The following SORCS1 variants were observed in gnomAD, a reference collection of about 807,000 sequenced individuals.
The protein encoded by SORCS1 is VPS10 domain-containing receptor SorCS1.
Under a neutral mutation model 146.1 loss-of-function variants are expected in SORCS1, and 60 were observed. That is an observed-to-expected ratio of 0.41 (90% CI 0.33 to 0.51). The LOEUF is 0.51. Among genes scored for constraint, SORCS1 ranks in the 20% least tolerant of loss-of-function variants. SORCS1 has a pLI of 0.21. For synonymous variants in SORCS1, 637 were observed against 584.0 expected (o/e 1.09, Z -1.31); for missense variants, 1,352 against 1,487.6 (o/e 0.91, Z 1.50).
intron 19 of SORCS1, among the ~76,000 whole-genome samples, chr10:106,624,424 G>A (rs901367139): frequency 4.4e-5 from 6 of 135,658 alleles, no homozygotes; most frequent in Admixed American, 2.4e-4. Flanking sequence ...GCAGTGGCAC[G>A]ATCTTGGCTT....
chr10:107,017,864 C>T (rs144359827), intron 1 of SORCS1, among the ~76,000 whole-genome samples: 2 of 151,984 alleles, frequency 1.3e-5, no homozygotes, highest in African/African-American at 4.8e-5. Flanking sequence ...TGGTGTTTCA[C>T]CATGTTAGTC....
At chr10:106,818,986 A>C (rs1295886538) in intron 3 of SORCS1, among the ~76,000 whole-genome samples, 3 of 152,236 alleles carry the variant, frequency 2.0e-5, no homozygotes, top group Non-Finnish European at 4.4e-5. Context: ...AATCATTAAG[A>C]GTAAGAACAA....
intron 3 of SORCS1, among the ~76,000 whole-genome samples, chr10:106,786,893 T>G (rs186073467): frequency 6.6e-6 from 1 of 152,292 alleles, no homozygotes; most frequent in Admixed American, 6.5e-5. Context: ...CCTTAAACTT[T>G]TGAAGGCTGA....
intron 2 of SORCS1, among the ~76,000 whole-genome samples, chr10:106,877,408 C>T (rs1053012967): frequency 6.7e-6 from 1 of 150,090 alleles, no homozygotes; most frequent in East Asian, 1.9e-4. Context: ...CATAGAAAGA[C>T]CCTGTTTCTA....
intron 2 of SORCS1, among the ~76,000 whole-genome samples, chr10:106,930,030 A>G (rs1953319049): frequency 6.6e-6 from 1 of 152,210 alleles, no homozygotes; most frequent in African/African-American, 2.4e-5. Flanking sequence ...GTGGATCACA[A>G]GGTCAGGAGA....
intron 1 of SORCS1, among the ~76,000 whole-genome samples, chr10:107,021,142 CTG>C (rs1007976218): frequency 2.6e-5 from 4 of 152,080 alleles, no homozygotes; most frequent in African/African-American, 9.7e-5. Context: ...TAAATGCAAA[CTG>C]TGTGTGTGTC....
intron 19 of SORCS1, among the ~76,000 whole-genome samples, chr10:106,628,244 A>C (rs1848224338): frequency 1.3e-5 from 2 of 152,180 alleles, no homozygotes; most frequent in Admixed American, 6.5e-5. Flanking sequence ...GTCATCCCCT[A>C]ATAGTCTTGC....
At chr10:107,134,435 G>A (rs1345419098) in intron 1 of SORCS1, among the ~76,000 whole-genome samples, 1 of 152,080 alleles carries the variant, frequency 6.6e-6, no homozygotes, top group African/African-American at 2.4e-5. Flanking sequence ...TCAGGAGATC[G>A]AGACCATCCT....
At chr10:107,111,258 A>G (rs767019957) in intron 1 of SORCS1, among the ~76,000 whole-genome samples, 28 of 152,220 alleles carry the variant, frequency 1.8e-4, no homozygotes, top group Admixed American at 6.5e-5. Flanking sequence ...CTTAAAAAAG[A>G]ATAAAAAATA....
intron 2 of SORCS1, among the ~76,000 whole-genome samples, chr10:106,896,974 TCCACCTCCCGGGTTCACG>T (rs1485559009): frequency 2.9e-5 from 4 of 137,618 alleles, no homozygotes; most frequent in African/African-American, 1.1e-4. Context: ...CACTGCAAGC[TCCACCTCCCGGGTTCACG>T]CCATTCTCCT....
chr10:106,791,192 C>T (rs895063152), intron 3 of SORCS1, among the ~76,000 whole-genome samples: 2 of 152,092 alleles, frequency 1.3e-5, no homozygotes, highest in Admixed American at 6.5e-5. Context: ...AGCCGCACTT[C>T]GAAGATTTTC....
At chr10:107,178,319 T>A in the SORCS1 span, among the ~76,000 whole-genome samples, 2 of 152,080 alleles carry the variant, frequency 1.3e-5, no homozygotes, top group African/African-American at 4.8e-5. Context: ...CTGATAACTA[T>A]AATTCTACTC....
chr10:106,962,156 T>C (rs1955255704), intron 1 of SORCS1, among the ~76,000 whole-genome samples: 1 of 151,760 alleles, frequency 6.6e-6, no homozygotes, highest in South Asian at 2.1e-4. Flanking sequence ...TCCCAGCAAT[T>C]TGGGAGGCCG....
intron 2 of SORCS1, among the ~76,000 whole-genome samples, chr10:106,891,636 A>C (rs1442198117): frequency 6.6e-6 from 1 of 151,892 alleles, no homozygotes; most frequent in Admixed American, 6.6e-5. Context: ...AGTCACTGAG[A>C]TTACAGGCAT....
chr10:106,767,896 A>G (rs971417305), intron 4 of SORCS1, among the ~76,000 whole-genome samples: 1 of 152,230 alleles, frequency 6.6e-6, no homozygotes, highest in Non-Finnish European at 1.5e-5. Flanking sequence ...CAAAACTATT[A>G]AATAGCACAA....
At chr10:106,718,555 C>T (rs1056344058) in intron 6 of SORCS1, among the ~76,000 whole-genome samples, 1 of 152,228 alleles carries the variant, frequency 6.6e-6, no homozygotes, top group African/African-American at 2.4e-5. Context: ...AATGCAGACC[C>T]AAAGAGTGAG....
At chr10:107,096,026 C>G (rs1008567384) in intron 1 of SORCS1, among the ~76,000 whole-genome samples, 2 of 152,112 alleles carry the variant, frequency 1.3e-5, no homozygotes, top group African/African-American at 4.8e-5. Context: ...ATGAAACCCT[C>G]ACTGTTTATT....
At chr10:107,113,048 A>G (rs1965796241) in intron 1 of SORCS1, among the ~76,000 whole-genome samples, 1 of 152,130 alleles carries the variant, frequency 6.6e-6, no homozygotes, top group Admixed American at 6.5e-5. Flanking sequence ...AACAGCAACA[A>G]CTACACGTTC....
chr10:107,169,828 G>A, the SORCS1 span, among the ~76,000 whole-genome samples: 1 of 151,976 alleles, frequency 6.6e-6, no homozygotes, highest in Non-Finnish European at 1.5e-5. Context: ...TTCCCAATTT[G>A]TATATTCATG....
Sources: allele counts gnomAD v4.1 joint callset (sites outside exome capture counted in the v4.1 genomes callset), GRCh38; gene constraint gnomAD v4.1.1; transcripts MANE v1.5; gene names NCBI Gene and HGNC (gene_info 2026-07-23, HGNC 2026-07-21).